The following ACSM2B variants were observed in gnomAD, a reference collection of about 807,000 sequenced individuals.
ACSM2B encodes acyl-coenzyme A synthetase ACSM2B, mitochondrial.
ACSM2B carries 58 observed loss-of-function variants against 78.6 expected under a neutral mutation model. The observed-to-expected ratio is 0.74, with a 90% confidence interval of 0.60 to 0.92. The LOEUF (loss-of-function observed/expected upper bound fraction) is 0.92, where lower values mean the gene tolerates loss of function less well. Ranked by LOEUF, ACSM2B falls within the 40% of genes least tolerant of loss-of-function variation. The pLI, the probability that ACSM2B is intolerant of heterozygous loss-of-function variation, is 0.00. For synonymous variants in ACSM2B, 257 were observed against 256.8 expected, an observed-to-expected ratio of 1.00 and a Z score of -0.01; for missense variants, 688 against 711.2, an observed-to-expected ratio of 0.97 and a Z score of 0.37.
At chr16:20,552,005 A>T in intron 6 of ACSM2B, 139 bp downstream of exon 6, 1 of 1,416,918 alleles carries the variant, frequency 7.1e-7, no homozygotes, top group South Asian at 1.5e-5. Context: ...GACCATTTCC[A>T]TCTCGTTTAC....
rs1190571387 is a variant in ACSM2B, at chr16:20,566,669, G to A, written c.-8-1816C>T. Among the ~76,000 whole-genome samples, 202 of 28,222 alleles carry A rather than the reference G, an allele frequency of 7.2e-3. 24 individuals carry two copies. Among genetic ancestry groups the A allele is most frequent in the African/African-American group, 0.038 (125 of 3,268 alleles). 18.5% of individuals were successfully genotyped at this position (28,222 alleles called of 152,430 possible). ...ACTATACTATATATATGTATATATA[G>A]TATATACATATAGTATATACTATAT... On this transcript the variant is annotated intron_variant, in intron 1 of 13. Coordinates refer to ENST00000329697, the MANE Select transcript of ACSM2B (RefSeq NM_001105069.2).
rs1427708076 is a variant in ACSM2B at position 20,543,078 on chromosome 16, G to A, written c.1409+57C>T. On this transcript the variant is annotated intron_variant, in intron 11 of 13. Transcript: ENST00000329697. ...AACCTCTAGGCCATTCCGGAAGTCT[G>A]GAACCAGCCAGAGTAAAGACCCAGA... 3 of 1,613,138 alleles carry A rather than the reference G, an allele frequency of 1.9e-6. No individual in the cohort carries two copies. In the East Asian group the frequency reaches 6.7e-5, roughly 36 times the overall value.
At chr16:20,575,442 T>C (rs968753337) in intron 1 of ACSM2B, 2 of 151,176 alleles carry the variant, frequency 1.3e-5, no homozygotes, top group African/African-American at 2.4e-5. Flanking sequence ...GGTCCCACAA[T>C]AGGCCATCTG....
chr16:20,567,367 T>G (rs1439449679), intron 1 of ACSM2B, among the ~76,000 whole-genome samples: 1 of 116,622 alleles, frequency 8.6e-6, no homozygotes, highest in Admixed American at 1.1e-4. Flanking sequence ...TATTATATAT[T>G]ATATAATATA....
chr16:20,541,681 C>CTTTTTTTTTTTTTTTTTTTTT (rs1160376564), intron 12 of ACSM2B: 1 of 45,260 alleles, frequency 2.2e-5, no homozygotes, highest in East Asian at 4.4e-4. Context: ...CTTTTTCTTT[C>CTTTTTTTTTTTTTTTTTTTTT]TTTTTTTTTT....
At chr16:20,568,392 T>C (rs1201369040) in intron 1 of ACSM2B, among the ~76,000 whole-genome samples, 1 of 146,146 alleles carries the variant, frequency 6.8e-6, no homozygotes, top group Non-Finnish European at 1.5e-5. Context: ...TAAACTATAC[T>C]ACTATATATA....
chr16:20,540,431 C>T lies in ACSM2B; in HGVS notation c.1629+223G>A, dbSNP rs568771596. Reference sequence around the variant, plus strand: ...CTAATTTTTGCATTTTGGGTAGAGACGGGGTTTCACCATTTTGGCCAGGCT... The same window carrying T: ...CTAATTTTTGCATTTTGGGTAGAGATGGGGTTTCACCATTTTGGCCAGGCT... On this transcript the variant is annotated intron_variant, in intron 13 of 13. Transcript: ENST00000329697. Among the ~76,000 whole-genome samples the T allele has an allele frequency of 1.3e-4, 20 of 152,002 alleles. No homozygotes were observed. In the South Asian group the frequency reaches 2.1e-3, roughly 16 times the overall value.
intron 5 of ACSM2B, among the ~76,000 whole-genome samples, chr16:20,552,617 G>A (rs1257174780): frequency 6.6e-6 from 1 of 152,116 alleles, no homozygotes; most frequent in Non-Finnish European, 1.5e-5. Context: ...AACCACCCAG[G>A]AAAATTTTAC....
At position 20,540,669 on chromosome 16, in the gene ACSM2B, G is replaced by C. The variant is rs1239951542; in HGVS notation, c.1614C>G (p.Tyr538Ter). 1 of 1,614,078 alleles carries C rather than the reference G, an allele frequency of 6.2e-7. No homozygotes were observed. ...QQHVKSVTAP[Y>*]KYPRKIEFVL... ...AAGGCCTTACCTTTCTTGGGTACTT[G>C]TATGGGGCTGTCACTGACTTCACAT... Residue 538 changes from tyrosine to a stop codon, truncating the protein, a stop_gained, in exon 13 of 14, where the codon TAC becomes TAG. Coordinates refer to ENST00000329697, the MANE Select transcript of ACSM2B (RefSeq NM_001105069.2). LOFTEE classifies it high-confidence loss of function.
At chr16:20,557,963 T>A (rs1402268859) in intron 3 of ACSM2B, among the ~76,000 whole-genome samples, 1 of 152,164 alleles carries the variant, frequency 6.6e-6, no homozygotes, top group African/African-American at 2.4e-5. Flanking sequence ...AGTCTAACTT[T>A]AAAACAAAAA....
intron 13 of ACSM2B, among the ~76,000 whole-genome samples, chr16:20,540,299 G>A (rs2014953143): frequency 6.7e-6 from 1 of 148,188 alleles, no homozygotes; most frequent in African/African-American, 2.5e-5. Context: ...CTGGAGTGCA[G>A]TGGCATGATC....
chr16:20,556,909 A>T (rs1278499334), intron 3 of ACSM2B, among the ~76,000 whole-genome samples: 1 of 152,058 alleles, frequency 6.6e-6, no homozygotes, highest in African/African-American at 2.4e-5. Context: ...CAGGCTTCCA[A>T]GTTCCTGCAA....
chr16:20,555,628 G>C, intron 3 of ACSM2B, 152 bp from the exon 4 acceptor site: 1 of 1,448,642 alleles, frequency 6.9e-7, no homozygotes, highest in South Asian at 1.5e-5. Flanking sequence ...GGGGACTAAG[G>C]ACTAGGGAGT....
Position 20,559,405 on chromosome 16 carries a change from C to A in ACSM2B, c.220G>T (p.Gly74Trp), listed in dbSNP as rs751672845. The change falls in exon 3 of 14, where the codon GGG becomes TGG. Residue 74 changes from glycine to tryptophan, a missense_variant. Physicochemically the swap from Gly to Trp is radical, Grantham distance 184. Coordinates refer to ENST00000329697, the MANE Select transcript of ACSM2B (RefSeq NM_001105069.2). ...LPSPALWWVN[G>W]KGKELMWNFR... The stretch of plus-strand genomic sequence containing the variant: ...TTCCACATTAATTCCTTCCCCTTCC[C>A]ATTCACCCACCACAGGGCTGGGCTT... The A allele has an allele frequency of 6.2e-7, 1 of 1,613,190 alleles. No homozygotes were observed.
At chr16:20,566,727 A>AG (rs2015890238) in intron 1 of ACSM2B, among the ~76,000 whole-genome samples, 3 of 18,990 alleles carry the variant, frequency 1.6e-4, no homozygotes, top group East Asian at 5.6e-3. Flanking sequence ...AGTATATACT[A>AG]TATATAGTAT....
chr16:20,566,965 ATTATATATTATATACTG>A (rs1337013515), intron 1 of ACSM2B, among the ~76,000 whole-genome samples: 3 of 132,448 alleles, frequency 2.3e-5, no homozygotes, highest in African/African-American at 8.3e-5. Context: ...TATATTATAT[ATTATATATTATATACTG>A]TTATATATTA....
Position 20,559,378 on chromosome 16 carries a change from A to T in ACSM2B, c.247T>A (p.Phe83Ile), listed in dbSNP as rs771766731. ...NGKGKELMWN[F>I]RELSENSQQA... ...TGGCTGTTTTCACTCAGTTCTCTGAAATTCCACATTAATTCCTTCCCCTTC... is the reference window on the plus strand; with the variant it reads ...TGGCTGTTTTCACTCAGTTCTCTGATATTCCACATTAATTCCTTCCCCTTC... Residue 83 changes from phenylalanine to isoleucine, a missense_variant, in exon 3 of 14, where the codon TTC (phenylalanine) becomes ATC (isoleucine). By Grantham distance (21) the Phe-to-Ile change is conservative. Transcript: ENST00000329697. 3 of 1,612,484 alleles carry T rather than the reference A, an allele frequency of 1.9e-6. No homozygotes were observed. Among genetic ancestry groups the T allele is most frequent in the Admixed American group, 1.7e-5 (1 of 59,912 alleles).
chr16:20,559,681 G>A (rs2015590760), intron 2 of ACSM2B, among the ~76,000 whole-genome samples: 1 of 150,530 alleles, frequency 6.6e-6, no homozygotes, highest in Admixed American at 6.6e-5. Flanking sequence ...TATGCTTTTA[G>A]AAATAACTGT....
chr16:20,538,942 C>G (rs367641810), intron 13 of ACSM2B, among the ~76,000 whole-genome samples: 82 of 152,184 alleles, frequency 5.4e-4, no homozygotes, highest in African/African-American at 1.8e-3. Context: ...ACTCCACCAC[C>G]AGACCCCTGT....
Sources: gnomAD v4.1 joint callset for allele counts (sites outside exome capture counted in the v4.1 genomes callset) on GRCh38, gnomAD v4.1.1 for gene constraint, MANE v1.5 for transcripts, NCBI Gene and HGNC (gene_info 2026-07-23, HGNC 2026-07-21) for gene names.